ARSG: variants seen among roughly 807,000 people sequenced by gnomAD.
ARSG encodes ASG.
ARSG carries 37 observed loss-of-function variants against 50.5 expected under a neutral mutation model. The observed-to-expected ratio is 0.73, with a 90% CI of 0.56 to 0.96. The LOEUF is 0.96. ARSG is among the 50% of genes least tolerant of loss of function. The pLI, the probability that ARSG is intolerant of heterozygous loss-of-function variation, is 0.00. For missense variants in ARSG, 629 were observed against 675.3 expected, an observed-to-expected ratio of 0.93 and a Z score of 0.76; for synonymous variants, 225 against 254.6, an observed-to-expected ratio of 0.88 and a Z score of 1.11.
At chr17:68,426,680 G>T (rs117928394), downstream of ARSG, among the ~76,000 whole-genome samples, 28 of 152,220 alleles carry the variant, frequency 1.8e-4, no homozygotes, top group East Asian at 2.3e-3. Flanking sequence ...TTGCAAGTGT[G>T]TGCCAACATG....
chr17:68,445,083 G>T, the ARSG span, among the ~76,000 whole-genome samples: 3 of 151,974 alleles, frequency 2.0e-5, no homozygotes, highest in Non-Finnish European at 2.9e-5. Context: ...ACCACACCTG[G>T]CTAATTTTGT....
chr17:68,424,463 A>G (rs770939948), downstream of ARSG: 10 of 534,702 alleles, frequency 1.9e-5, no homozygotes, highest in Non-Finnish European at 3.5e-5. Flanking sequence ...TGGAAGCTCA[A>G]TGGACACAAA....
At chr17:68,426,254 G>GCCCCCCCCCCCCCCCC, downstream of ARSG, 3 of 816,920 alleles carry the variant, frequency 3.7e-6, no homozygotes, top group African/African-American at 1.7e-5. Context: ...GGGAGCGGGG[G>GCCCCCCCCCCCCCCCC]CTCAAATAAA....
At chr17:68,320,289 T>TAAAA (rs1406336852) in intron 2 of ARSG, among the ~76,000 whole-genome samples, 1 of 125,180 alleles carries the variant, frequency 8.0e-6, no homozygotes. Context: ...GACTCCGTCT[T>TAAAA]AAAAAAAAAA....
At chr17:68,263,238 A>G (rs1213713966) in intron 1 of ARSG, among the ~76,000 whole-genome samples, 1 of 83,620 alleles carries the variant, frequency 1.2e-5, no homozygotes, top group East Asian at 4.8e-4. Context: ...TTAGAGAGTC[A>G]TTAACGAGAA....
In ARSG at chr17:68,382,399, T is replaced by C. The variant is rs532580655; in HGVS notation, c.983-2665T>C. ...TAATGCCAGGAAGCATGTATCATGC[T>C]GAGGAGCACTTAACTTGGTACTTAG... On this transcript the variant is annotated intron_variant, in intron 8 of 11. Transcript: ENST00000621439. Among the ~76,000 whole-genome samples the C allele has an allele frequency of 2.0e-5, 3 of 152,374 alleles. No homozygotes were observed. In the South Asian group the frequency reaches 6.2e-4, roughly 32 times the overall value.
intron 9 of ARSG, among the ~76,000 whole-genome samples, chr17:68,387,937 T>C (rs1484084399): frequency 6.6e-6 from 1 of 152,154 alleles, no homozygotes; most frequent in Non-Finnish European, 1.5e-5. Flanking sequence ...CCATTGGTTT[T>C]AGAGATAACC....
At chr17:68,421,260 A>T (rs57006474), downstream of ARSG, 4,276 of 153,446 alleles carry the variant, frequency 0.028, 195 homozygotes, top group African/African-American at 0.097. Flanking sequence ...GAAACAAAAA[A>T]ATATATAAAA....
chr17:68,301,888 C>G (rs1166265736), intron 1 of ARSG, among the ~76,000 whole-genome samples: 2 of 152,006 alleles, frequency 1.3e-5, no homozygotes, highest in African/African-American at 2.4e-5. Context: ...AGATCCTTAT[C>G]CAAATTGTGT....
chr17:68,387,079 TCA>T (rs72320984), intron 9 of ARSG, among the ~76,000 whole-genome samples: 6,488 of 146,306 alleles, frequency 0.044, 167 homozygotes, highest in Middle Eastern at 0.09. Flanking sequence ...ATATAGTGTA[TCA>T]CACACACACA....
downstream of ARSG, chr17:68,424,460 T>C (rs1431850778): frequency 1.9e-6 from 1 of 534,752 alleles, no homozygotes; most frequent in South Asian, 1.4e-5. Context: ...AATTGGAAGC[T>C]CAATGGACAC....
chr17:68,375,511 G>A (rs921121297), intron 8 of ARSG, among the ~76,000 whole-genome samples: 2 of 152,210 alleles, frequency 1.3e-5, no homozygotes. Context: ...GAGCTACACA[G>A]TCTGGTATGT....
rs1600131213 is a variant in ARSG at position 68,408,545 on chromosome 17, T to G, written c.1303+7095T>G. Among the ~76,000 whole-genome samples the G allele has an allele frequency of 2.6e-5, 4 of 152,106 alleles. No homozygotes were observed. The East Asian group carries it at 7.7e-4, about 29-fold the overall frequency. ...ATCATTGTTGGACATTTGGGTTGGTTCCAAGTCTTTGCTATTGTGAATAAT... is the reference window on the plus strand; with the variant it reads ...ATCATTGTTGGACATTTGGGTTGGTGCCAAGTCTTTGCTATTGTGAATAAT... On this transcript the variant is annotated intron_variant, in intron 11 of 11. Transcript: ENST00000621439.
chr17:68,301,614 T>C (rs890219717), intron 1 of ARSG, among the ~76,000 whole-genome samples: 81 of 152,206 alleles, frequency 5.3e-4, no homozygotes, highest in Non-Finnish European at 1.5e-4. Flanking sequence ...TGCGGGGCAT[T>C]TGTGTATTCT....
intron 1 of ARSG, among the ~76,000 whole-genome samples, chr17:68,284,907 A>G (rs1266339508): frequency 1.3e-5 from 2 of 152,240 alleles, no homozygotes; most frequent in African/African-American, 2.4e-5. Context: ...TCTGAGGTCT[A>G]TTTCTCTTTG....
intron 1 of ARSG, among the ~76,000 whole-genome samples, chr17:68,265,568 A>G (rs2075142354): frequency 6.6e-6 from 1 of 152,214 alleles, no homozygotes; most frequent in South Asian, 2.1e-4. Flanking sequence ...TCTAAGAATT[A>G]CTTTGACCAC....
At position 68,270,778 on chromosome 17, in the gene ARSG, A is replaced by C. The variant is rs2075313830; in HGVS notation, c.-552+11352A>C. On this transcript the variant is annotated intron_variant, in intron 1 of 11. Coordinates refer to the ARSG transcript ENST00000448504. ...AAGTTTTTTTTATGGCTTGAACAGGAAGCTAGCACAATTCACAAGGGAAAG... is the reference window on the plus strand; with the variant it reads ...AAGTTTTTTTTATGGCTTGAACAGGCAGCTAGCACAATTCACAAGGGAAAG... The C allele has an allele frequency of 2.9e-6, 4 of 1,402,324 alleles. No homozygotes were observed. In the African/African-American group the frequency reaches 4.3e-5, roughly 15 times the overall value. The allele number at this position is 1,402,324 out of a possible 1,614,324, so 86.9% of individuals were successfully genotyped here.
intron 9 of ARSG, 109 bp from the exon 10 acceptor site, chr17:68,394,964 G>A: frequency 6.7e-7 from 1 of 1,486,600 alleles, no homozygotes; most frequent in Non-Finnish European, 9.2e-7. Context: ...CAGCCCATAG[G>A]AGAGGCTGTG....
At chr17:68,269,673 GTTTTTTT>G (rs782421181) in intron 1 of ARSG, among the ~76,000 whole-genome samples, 1 of 77,912 alleles carries the variant, frequency 1.3e-5, no homozygotes, top group Non-Finnish European at 2.2e-5. Context: ...TTCACTTTAG[GTTTTTTT>G]TTTTTTTTTT....
Sources: gnomAD v4.1 joint callset for allele counts (sites outside exome capture counted in the v4.1 genomes callset) on GRCh38, gnomAD v4.1.1 for gene constraint, MANE v1.5 for transcripts, NCBI Gene and HGNC (gene_info 2026-07-23, HGNC 2026-07-21) for gene names.